Variants in MYEF2 observed in about 807,000 individuals in gnomAD.
The protein encoded by MYEF2 is myelin expression factor 2.
In MYEF2, 37 loss-of-function variants were observed where a neutral mutation model predicts 75.2. The observed-to-expected ratio is 0.49, with a 90% confidence interval of 0.38 to 0.65. The LOEUF (loss-of-function observed/expected upper bound fraction) is 0.65, where lower values mean the gene tolerates loss of function less well. Ranked by LOEUF, MYEF2 falls within the 30% of genes least tolerant of loss-of-function variation. The probability of loss-of-function intolerance (pLI) is 0.00; values close to 1 mark genes in which losing one functional copy is unlikely to be tolerated. For missense variants in MYEF2, 634 were observed against 771.4 expected, an observed-to-expected ratio of 0.82 and a Z score of 2.11; for synonymous variants, 195 against 241.6, an observed-to-expected ratio of 0.81 and a Z score of 1.79.
chr15:48,157,208 G>A (rs1438471969), intron 9 of MYEF2: 2 of 152,016 alleles, frequency 1.3e-5, no homozygotes, highest in African/African-American at 2.4e-5. Context: ...ATTAATTCAT[G>A]TAATACTCAT....
At chr15:48,173,965 C>T (rs973890325) in intron 1 of MYEF2, among the ~76,000 whole-genome samples, 3 of 152,012 alleles carry the variant, frequency 2.0e-5, no homozygotes, top group African/African-American at 7.2e-5. Context: ...AAAATTCTAA[C>T]AGCATTTTTC....
chr15:48,159,916 C>T lies in MYEF2; in HGVS notation c.526-112G>A, dbSNP rs1567260565. 1.4e-5 allele frequency: 16 copies of T among 1,117,736 alleles called. 1 individual carries two copies. The Middle Eastern group carries it at 1.5e-3, about 102-fold the overall frequency. 69.2% of individuals were successfully genotyped at this position (1,117,736 alleles called of 1,614,324 possible). On this transcript the variant is annotated intron_variant, in intron 5 of 16. Transcript: ENST00000324324. ...ATCCTGTCTGGCTCAAATTATTGAC[C>T]CTCTTGAAGAGTGAGCTTTTTTCTC...
At position 48,159,817 on chromosome 15, in the gene MYEF2, T is replaced by A; in HGVS notation, c.526-13A>T. 1.9e-6 allele frequency: 3 copies of A among 1,600,428 alleles called. No individual in the cohort carries two copies. Among genetic ancestry groups the A allele is most frequent in the Non-Finnish European group, 2.6e-6 (3 of 1,174,336 alleles). On this transcript the variant is annotated splice_polypyrimidine_tract_variant and intron_variant, in intron 5 of 16. Transcript: ENST00000324324. ...CTCCATCAGGATCCTATAACACACA[T>A]TGAATGTTAAATTCCACTAAATACA...
chr15:48,158,384 C>T (rs1175811403), intron 7 of MYEF2, among the ~76,000 whole-genome samples, 160 bp from the exon 8 acceptor site: 1 of 152,024 alleles, frequency 6.6e-6, no homozygotes, highest in Non-Finnish European at 1.5e-5. Flanking sequence ...AAAAAATATT[C>T]AATTCTTTGC....
chr15:48,170,762 T>A (rs1394441629), intron 1 of MYEF2, among the ~76,000 whole-genome samples: 1 of 152,202 alleles, frequency 6.6e-6, no homozygotes, highest in Non-Finnish European at 1.5e-5. Flanking sequence ...AAATATAGTA[T>A]GTAAACTCTA....
chr15:48,176,639 C>A (rs1208408567), intron 1 of MYEF2, among the ~76,000 whole-genome samples: 2 of 152,172 alleles, frequency 1.3e-5, no homozygotes, highest in Non-Finnish European at 2.9e-5. Flanking sequence ...TTCAAGGCTG[C>A]ACTTTTTGTT....
In MYEF2 at chr15:48,136,977, C is replaced by T. The variant is rs895285439; in HGVS notation, c.*5931G>A. On this transcript the variant is annotated 3_prime_UTR_variant, in exon 17 of 17. Transcript: ENST00000324324. ...AGGTTTCTGAAGGTAATCACTAAAT[C>T]TTGCCCATTATTAAGTCTATTCGCA... is the stretch of plus-strand genomic sequence containing the variant. The T allele has an allele frequency of 6.3e-7, 1 of 1,598,492 alleles. No homozygotes were observed.
Position 48,149,431 on chromosome 15 carries a change from TAAGGAA to T in MYEF2, c.1379-66_1379-61del. On this transcript the variant is annotated intron_variant, in intron 14 of 16. Transcript: ENST00000324324. This position sits in a 1 kb window ranked among gnomAD's most constrained non-coding sequence, Gnocchi z 4.0. Reference sequence around the variant, plus strand: ...ATTTTGTGTTTTTGTTTCAAAAACATAAGGAAAAGGAGAAGAGGAGAAAGGAGGAAA... The same window carrying T: ...ATTTTGTGTTTTTGTTTCAAAAACATAAGGAGAAGAGGAGAAAGGAGGAAA... The T allele has an allele frequency of 6.7e-7, 1 of 1,499,340 alleles. No individual in the cohort carries two copies. Among genetic ancestry groups the T allele is most frequent in the Non-Finnish European group, 9.3e-7 (1 of 1,080,842 alleles). The allele number at this position is 1,499,340 out of a possible 1,614,324, so 92.9% of individuals were successfully genotyped here.
rs2140960380 is a variant in MYEF2 at position 48,178,107 on chromosome 15, T to C, written c.131A>G (p.Gln44Arg). 3 of 1,597,330 alleles carry C rather than the reference T, an allele frequency of 1.9e-6. No homozygotes were observed. The East Asian group carries it at 6.9e-5, about 36-fold the overall frequency. Residue 44 changes from glutamine to arginine, a missense_variant, in exon 1 of 17, where the codon CAG (glutamine) becomes CGG (arginine). Coordinates refer to ENST00000324324, the MANE Select transcript of MYEF2 (RefSeq NM_016132.5). Reference protein sequence around the residue: ...HPAEAEKQQPQHSSSSNGVKM... With the variant: ...HPAEAEKQQPRHSSSSNGVKM... Reference sequence around the variant, plus strand: ...AACGCCATTGGAGCTGCTGCTGTGCTGCGGCTGCTGCTTCTCCGCCTCCGC... The same window carrying C: ...AACGCCATTGGAGCTGCTGCTGTGCCGCGGCTGCTGCTTCTCCGCCTCCGC...
At position 48,141,985 on chromosome 15, in the gene MYEF2, C is replaced by A. The variant is rs901025170; in HGVS notation, c.*923G>T. 2.2e-6 allele frequency: 3 copies of A among 1,337,850 alleles called. No individual in the cohort carries two copies. The highest frequency in any genetic ancestry group is 3.1e-6 in the Non-Finnish European group (3 of 982,798). The allele number at this position is 1,337,850 out of a possible 1,614,324, so 82.9% of individuals were successfully genotyped here. A position where few individuals can be genotyped will look rare whatever the true frequency, so the allele number is the denominator to read the frequency against. On this transcript the variant is annotated 3_prime_UTR_variant, in exon 17 of 17. Transcript: ENST00000324324. ...TCTTATGAAGATTATTAATAAAACA[C>A]AGTATTGGTAAGCACATTTTAACAG... is the stretch of plus-strand genomic sequence containing the variant.
intron 5 of MYEF2, among the ~76,000 whole-genome samples, chr15:48,160,442 TAA>T (rs938065412): frequency 2.0e-5 from 3 of 150,882 alleles, no homozygotes; most frequent in Non-Finnish European, 4.4e-5. Context: ...TTAGGTTCAT[TAA>T]TTTTTTAAGA....
At position 48,168,697 on chromosome 15, in the gene MYEF2, C is replaced by T; in HGVS notation, c.304G>A (p.Val102Ile). ...GEKKGPNRNR[V>I]FISNIPYDMK... ...TCATATGGGATGTTGCTAATGAAAA[C>T]TCTGTTACGATTTGGACCCTTCTTT... Residue 102 changes from valine (V) to isoleucine (I), a missense_variant, in exon 2 of 17, where the codon GTT (valine) becomes ATT (isoleucine). Coordinates refer to ENST00000324324, the MANE Select transcript of MYEF2 (RefSeq NM_016132.5). 6.2e-7 allele frequency: 1 copy of T among 1,613,898 alleles called. No homozygotes were observed. Among genetic ancestry groups the T allele is most frequent in the Non-Finnish European group, 8.5e-7 (1 of 1,179,868 alleles).
chr15:48,175,969 T>C (rs948102487), intron 1 of MYEF2, among the ~76,000 whole-genome samples: 1 of 152,016 alleles, frequency 6.6e-6, no homozygotes, highest in African/African-American at 2.4e-5. Context: ...TTACTAGGCC[T>C]TAAGAATACA....
intron 9 of MYEF2, 197 bp downstream of exon 9, chr15:48,157,796 A>C: frequency 1.5e-6 from 2 of 1,318,562 alleles, no homozygotes; most frequent in East Asian, 2.8e-5. Context: ...AAAGTTACCA[A>C]AGAGAAAAAA....
At chr15:48,175,987 ATAAGACATAGTG>A (rs1005204652) in intron 1 of MYEF2, among the ~76,000 whole-genome samples, 4 of 152,150 alleles carry the variant, frequency 2.6e-5, no homozygotes, top group Admixed American at 2.6e-4. Flanking sequence ...ACAAAGAAGA[ATAAGACATAGTG>A]GTCTCCCACC....
At chr15:48,163,976 A>C (rs757187362) in intron 5 of MYEF2, among the ~76,000 whole-genome samples, 1 of 152,214 alleles carries the variant, frequency 6.6e-6, no homozygotes, top group African/African-American at 2.4e-5. Context: ...ATATACAAGA[A>C]GACTAATGTT....
rs2039135333 is a variant in MYEF2 at position 48,142,860 on chromosome 15, G to C, written c.*48C>G. The C allele has an allele frequency of 6.6e-7, 1 of 1,508,288 alleles. No homozygotes were observed. The highest frequency in any genetic ancestry group is 2.3e-5 in the Admixed American group (1 of 42,760). 93.4% of individuals were successfully genotyped at this position (1,508,288 alleles called of 1,614,324 possible). On this transcript the variant is annotated 3_prime_UTR_variant, in exon 17 of 17. Coordinates refer to ENST00000324324, the MANE Select transcript of MYEF2 (RefSeq NM_016132.5). Reference sequence around the variant, plus strand: ...TACTTTAAAAAAATGACTTTTACTAGGAGATTCAGCAAAACAGATGTAGGA... The same window carrying C: ...TACTTTAAAAAAATGACTTTTACTACGAGATTCAGCAAAACAGATGTAGGA...
At chr15:48,148,988 T>A in intron 16 of MYEF2, 44 bp downstream of exon 16, 1 of 1,601,982 alleles carries the variant, frequency 6.2e-7, no homozygotes, top group South Asian at 1.1e-5. Context: ...CCAATTTTCC[T>A]CCATAATCAA....
chr15:48,136,883 C>T lies in MYEF2; in HGVS notation c.*6025G>A, dbSNP rs886122994. On this transcript the variant is annotated 3_prime_UTR_variant, in exon 17 of 17. Coordinates refer to ENST00000324324, the MANE Select transcript of MYEF2 (RefSeq NM_016132.5). ...CCATTCATTCGTCGGCAATCAAGAA[C>T]TGATAGTGGAATATTTTATGAAGAT... 8 of 1,613,836 alleles carry T rather than the reference C, an allele frequency of 5.0e-6. No individual in the cohort carries two copies. The highest frequency in any genetic ancestry group is 5.9e-6 in the Non-Finnish European group (7 of 1,179,798).
Sources: allele counts gnomAD v4.1 joint callset (sites outside exome capture counted in the v4.1 genomes callset), GRCh38; gene constraint gnomAD v4.1.1; non-coding constraint Gnocchi (gnomAD v3.1); transcripts MANE v1.5; gene names NCBI Gene and HGNC (gene_info 2026-07-23, HGNC 2026-07-21).